Variants in COL8A2 observed in about 807,000 individuals in gnomAD.
COL8A2 encodes collagen alpha-2(VIII) chain.
A neutral mutation model predicts 24.0 loss-of-function variants in COL8A2; 16 were observed. The ratio of observed to expected loss-of-function variants is 0.67; its 90% confidence interval spans 0.45 to 1.01. The LOEUF (loss-of-function observed/expected upper bound fraction) is 1.01, where lower values mean the gene tolerates loss of function less well. COL8A2 is among the 50% of genes least tolerant of loss of function. The probability of loss-of-function intolerance (pLI) is 0.00; values close to 1 mark genes in which losing one functional copy is unlikely to be tolerated. For missense variants in COL8A2, 818 were observed against 942.4 expected (o/e 0.87, Z 1.73); for synonymous variants, 466 against 424.5 (o/e 1.10, Z -1.20).
chr1:36,097,920 G>T lies in COL8A2; in HGVS notation c.1761C>A (p.Ala587=). The change falls in exon 4 of 4, where the codon GCC becomes GCA. Residue 587 remains alanine (A), a synonymous_variant. Coordinates refer to ENST00000397799, the MANE Select transcript of COL8A2 (RefSeq NM_005202.4). ...FTAVLTSPFP[A]SGMPVKFDRT... is the part of the protein sequence containing the mutation. Reference sequence around the variant, plus strand: ...GGTCAAATTTCACGGGCATGCCCGAGGCGGGGAAGGGCGAGGTGAGCACCG... The same window carrying T: ...GGTCAAATTTCACGGGCATGCCCGATGCGGGGAAGGGCGAGGTGAGCACCG... The T allele has an allele frequency of 6.2e-7, 1 of 1,611,522 alleles. No individual in the cohort carries two copies.
chr1:36,112,918 C>T (rs1643862320), intron 2 of COL8A2, among the ~76,000 whole-genome samples: 1 of 152,208 alleles, frequency 6.6e-6, no homozygotes, highest in Admixed American at 6.5e-5. Flanking sequence ...CACAGTTCTG[C>T]CCATGGCTGT....
intron 2 of COL8A2, among the ~76,000 whole-genome samples, chr1:36,102,872 C>T (rs1643700008): frequency 6.6e-6 from 1 of 151,792 alleles, no homozygotes; most frequent in Non-Finnish European, 1.5e-5. Flanking sequence ...GGGGTTTCAC[C>T]ATGTTGGCCA....
intron 2 of COL8A2, among the ~76,000 whole-genome samples, chr1:36,112,168 T>TA (rs1643852262): frequency 6.6e-6 from 1 of 151,832 alleles, no homozygotes; most frequent in Admixed American, 6.6e-5. Flanking sequence ...CACGCCCGGC[T>TA]ATTTTTTTGT....
intron 2 of COL8A2, among the ~76,000 whole-genome samples, chr1:36,113,214 G>A (rs566189512): frequency 1.3e-5 from 2 of 152,276 alleles, no homozygotes; most frequent in African/African-American, 2.4e-5. Context: ...TCAGTCCATC[G>A]CTGTGTGTCA....
In COL8A2 at chr1:36,098,365, C is replaced by A; in HGVS notation, c.1316G>T (p.Gly439Val). ...PGFTGRPGGPGVAGALGQKGD... is the reference protein window; with the variant it reads ...PGFTGRPGGPVVAGALGQKGD... The stretch of plus-strand genomic sequence containing the variant: ...TTTCTGCCCCAGGGCTCCTGCCACC[C>A]CTGGTCCTCCAGGGCGACCCGTGAA... The change falls in exon 4 of 4, where the codon GGG becomes GTG. Residue 439 changes from glycine to valine, a missense_variant. Coordinates refer to ENST00000397799, the MANE Select transcript of COL8A2 (RefSeq NM_005202.4). 6.4e-7 allele frequency: 1 copy of A among 1,552,624 alleles called. No individual in the cohort carries two copies. Among genetic ancestry groups the A allele is most frequent in the Non-Finnish European group, 8.7e-7 (1 of 1,148,442 alleles).
chr1:36,098,137 G>A lies in COL8A2; in HGVS notation c.1544C>T (p.Pro515Leu). ...PTGPPGVPGS[P>L]GITGPPGPPG... ...AGGCCCCGGAGGGCCCGTGATTCCA[G>A]GGGAGCCAGGGACCCCTGGGGGCCC... The change falls in exon 4 of 4, where the codon CCT (proline) becomes CTT (leucine). Residue 515 changes from proline (P) to leucine (L), a missense_variant. Coordinates refer to ENST00000397799, the MANE Select transcript of COL8A2 (RefSeq NM_005202.4). 6.7e-7 allele frequency: 1 copy of A among 1,481,708 alleles called. No individual in the cohort carries two copies. Among genetic ancestry groups the A allele is most frequent in the African/African-American group, 1.4e-5 (1 of 70,732 alleles). The allele number at this position is 1,481,708 out of a possible 1,614,324, so 91.8% of individuals were successfully genotyped here. A position where few individuals can be genotyped will look rare whatever the true frequency, so the allele number is the denominator to read the frequency against.
rs752603000 is a variant in COL8A2 at position 36,098,550 on chromosome 1, A to G, written c.1131T>C (p.Pro377=). The G allele has an allele frequency of 2.5e-6, 4 of 1,601,654 alleles. No homozygotes were observed. The highest frequency in any genetic ancestry group is 1.7e-4 in the Middle Eastern group (1 of 6,058). Residue 377 remains proline (P), a synonymous_variant, in exon 4 of 4, where the codon CCT becomes CCC. Transcript: ENST00000397799. ...GLPGRRGPPG[P]KGEAGPGGPP... ...GTCCTCCAGGCCCTGCCTCACCCTT[A>G]GGCCCAGGGGGCCCACGTCTGCCAG...
chr1:36,116,454 G>A (rs1214780752), intron 1 of COL8A2, among the ~76,000 whole-genome samples: 1 of 152,222 alleles, frequency 6.6e-6, no homozygotes, highest in Non-Finnish European at 1.5e-5. Context: ...TGCTGGGGAA[G>A]CTTCTACTAT....
Position 36,123,864 on chromosome 1 carries a change from A to G in COL8A2, c.-62+1193T>C, listed in dbSNP as rs772091417. ...TCACCAGTCCACTGGGAAGCCAGTG[A>G]CAGCACCTGTGCCCTGATGGAGACC... On this transcript the variant is annotated intron_variant, in intron 1 of 3. Coordinates refer to ENST00000397799, the MANE Select transcript of COL8A2 (RefSeq NM_005202.4). This position sits in a 1 kb window ranked among gnomAD's most constrained non-coding sequence, Gnocchi z 4.1. Among the ~76,000 whole-genome samples the G allele has an allele frequency of 3.9e-5, 6 of 152,106 alleles. No individual in the cohort carries two copies. The highest frequency in any genetic ancestry group is 8.8e-5 in the Non-Finnish European group (6 of 68,022).
At chr1:36,124,558 C>T (rs1209584979) in intron 1 of COL8A2, among the ~76,000 whole-genome samples, 1 of 152,026 alleles carries the variant, frequency 6.6e-6, no homozygotes, top group East Asian at 1.9e-4. Flanking sequence ...ATAGGAGGAA[C>T]CTGGGGGCTA....
At chr1:36,111,928 A>T (rs1643846983) in intron 2 of COL8A2, among the ~76,000 whole-genome samples, 1 of 152,090 alleles carries the variant, frequency 6.6e-6, no homozygotes, top group Non-Finnish European at 1.5e-5. Flanking sequence ...GCTTCTCCCC[A>T]GCCCAAGTGC....
rs1228866417 is a variant in COL8A2, at chr1:36,099,089, G to T, written c.592C>A (p.Pro198Thr). Reference sequence around the variant, plus strand: ...CCCTTGAGGCCTCGATCACCTGGGGGCCCAGGCTCCCCCTGGGGCCCTGGT... The same window carrying T: ...CCCTTGAGGCCTCGATCACCTGGGGTCCCAGGCTCCCCCTGGGGCCCTGGT... The part of the protein sequence containing the change: ...GEPGPQGEPG[P>T]PGDRGLKGDN... Residue 198 changes from proline (P) to threonine (T), a missense_variant, in exon 4 of 4, where the codon CCC (proline) becomes ACC (threonine). Physicochemically the swap from Pro to Thr is conservative, Grantham distance 38 (BLOSUM62 -1). Coordinates refer to ENST00000397799, the MANE Select transcript of COL8A2 (RefSeq NM_005202.4). The T allele has an allele frequency of 1.3e-6, 2 of 1,504,814 alleles. No homozygotes were observed. Among genetic ancestry groups the T allele is most frequent in the South Asian group, 2.7e-5 (2 of 74,996 alleles). The allele number at this position is 1,504,814 out of a possible 1,614,324, so 93.2% of individuals were successfully genotyped here. A position where few individuals can be genotyped will look rare whatever the true frequency, so the allele number is the denominator to read the frequency against.
chr1:36,105,272 T>C (rs1017388332), intron 2 of COL8A2, among the ~76,000 whole-genome samples: 4 of 152,338 alleles, frequency 2.6e-5, no homozygotes, highest in Non-Finnish European at 5.9e-5. Context: ...TTAACCTTCC[T>C]GAGCTTCAGT....
intron 3 of COL8A2, among the ~76,000 whole-genome samples, chr1:36,099,746 C>T (rs1643646040): frequency 6.6e-6 from 1 of 152,152 alleles, no homozygotes; most frequent in African/African-American, 2.4e-5. Context: ...TCTCACCTCT[C>T]ATCCCTGCAT....
intron 1 of COL8A2, among the ~76,000 whole-genome samples, chr1:36,119,874 C>A (rs1257932287): frequency 6.6e-6 from 1 of 152,162 alleles, no homozygotes; most frequent in Admixed American, 6.5e-5. Flanking sequence ...CAGGCTGGCA[C>A]TGCTGGCCCA....
chr1:36,098,481 G>A lies in COL8A2; in HGVS notation c.1200C>T (p.Gly400=), dbSNP rs768923775. 2.5e-6 allele frequency: 4 copies of A among 1,578,530 alleles called. No individual in the cohort carries two copies. Among genetic ancestry groups the A allele is most frequent in the Non-Finnish European group, 2.6e-6 (3 of 1,162,786 alleles). ...PGIRGDQGPS[G]LAGKPGVPGE... ...CTGGGACCCCTGGTTTCCCAGCCAG[G>A]CCACTAGGCCCCTGGTCACCTCGAA... The change falls in exon 4 of 4, where the codon GGC becomes GGT. Residue 400 remains glycine, a synonymous_variant. Coordinates refer to ENST00000397799, the MANE Select transcript of COL8A2 (RefSeq NM_005202.4).
chr1:36,098,498 C>G lies in COL8A2; in HGVS notation c.1183G>C (p.Asp395His). The change falls in exon 4 of 4, where the codon GAC (aspartate) becomes CAC (histidine). Residue 395 changes from aspartate (D) to histidine (H), a missense_variant. Around this residue, in one of 3 missense-constraint regions of COL8A2, gnomAD observed 573 missense variants for 616.8 expected, o/e 0.93. Coordinates refer to ENST00000397799, the MANE Select transcript of COL8A2 (RefSeq NM_005202.4). The stretch of plus-strand genomic sequence containing the variant: ...CCAGCCAGGCCACTAGGCCCCTGGT[C>G]ACCTCGAATGCCAGGCACTCCTGGG... ...GPPGVPGIRG[D>H]QGPSGLAGKP... 6.3e-7 allele frequency: 1 copy of G among 1,585,870 alleles called. No individual in the cohort carries two copies. The highest frequency in any genetic ancestry group is 8.6e-7 in the Non-Finnish European group (1 of 1,166,704).
chr1:36,107,806 CT>C (rs1643782147), intron 2 of COL8A2, among the ~76,000 whole-genome samples: 1 of 152,166 alleles, frequency 6.6e-6, no homozygotes, highest in Admixed American at 6.5e-5. Context: ...TCCCTGCCCC[CT>C]GACCTCCCCT....
rs1227978275 is a variant in COL8A2 at position 36,096,100 on chromosome 1, C to G, written c.*1469G>C. ...TGGAGCAGTGCAACGAGATCACAGA[C>G]CGAATGACCCCAGTTCACACTTGGT... On this transcript the variant is annotated 3_prime_UTR_variant, in exon 4 of 4. Coordinates refer to ENST00000397799, the MANE Select transcript of COL8A2 (RefSeq NM_005202.4). The G allele has an allele frequency of 6.6e-6, 1 of 152,152 alleles. No individual in the cohort carries two copies. The highest frequency in any genetic ancestry group is 2.4e-5 in the African/African-American group (1 of 41,424). 9.4% of individuals were successfully genotyped at this position (152,152 alleles called of 1,614,324 possible).
Sources: allele counts gnomAD v4.1 joint callset (sites outside exome capture counted in the v4.1 genomes callset), GRCh38; gene constraint gnomAD v4.1.1; regional missense constraint gnomAD v4.1.1; non-coding constraint Gnocchi (gnomAD v3.1); transcripts MANE v1.5; gene names NCBI Gene and HGNC (gene_info 2026-07-23, HGNC 2026-07-21).